Variants in TBX15 observed in about 807,000 individuals in gnomAD.
TBX15 encodes T-box transcription factor 15.
TBX15 carries 18 observed loss-of-function variants against 53.9 expected under a neutral mutation model. That is an observed-to-expected ratio of 0.33 (90% confidence interval 0.23 to 0.49). The LOEUF (loss-of-function observed/expected upper bound fraction) is 0.49. TBX15 is among the 20% of genes least tolerant of loss of function. The probability of loss-of-function intolerance (pLI) is 0.98; values close to 1 mark genes in which losing one functional copy is unlikely to be tolerated. For synonymous variants in TBX15, 295 were observed against 278.0 expected (o/e 1.06, Z -0.61); for missense variants, 692 against 749.5 (o/e 0.92, Z 0.90).
At chr1:118,905,461 T>G (rs1212611089) in intron 6 of TBX15, among the ~76,000 whole-genome samples, 1 of 151,938 alleles carries the variant, frequency 6.6e-6, no homozygotes, top group African/African-American at 2.4e-5. Flanking sequence ...GCAGAAAAAA[T>G]GTTAAGTACT....
At chr1:118,986,753 G>C (rs975544766) in intron 1 of TBX15, among the ~76,000 whole-genome samples, 1 of 152,198 alleles carries the variant, frequency 6.6e-6, no homozygotes, top group Admixed American at 6.5e-5. Context: ...ACCAAGTTGC[G>C]AGCGTTGTAT....
chr1:118,895,003 T>A (rs561016266), intron 7 of TBX15, among the ~76,000 whole-genome samples: 1 of 152,232 alleles, frequency 6.6e-6, no homozygotes, highest in African/African-American at 2.4e-5. Context: ...TCTGTATAAA[T>A]CAGCTATGTT....
chr1:118,967,837 T>A (rs1657102226), intron 1 of TBX15, among the ~76,000 whole-genome samples: 1 of 152,228 alleles, frequency 6.6e-6, no homozygotes. Flanking sequence ...GGAGTTTCAT[T>A]TTCCATGACC....
intron 2 of TBX15, among the ~76,000 whole-genome samples, chr1:118,927,870 A>T (rs533053391): frequency 4.6e-5 from 7 of 152,244 alleles, no homozygotes; most frequent in African/African-American, 1.7e-4. Flanking sequence ...TCAGTTCAAA[A>T]ATTTGGATTG....
intron 6 of TBX15, among the ~76,000 whole-genome samples, chr1:118,904,024 A>G (rs1654726268): frequency 6.6e-6 from 1 of 152,202 alleles, no homozygotes; most frequent in Non-Finnish European, 1.5e-5. Flanking sequence ...TTTTTCTAGT[A>G]GACTTAACAG....
At chr1:118,978,964 G>C (rs1260758072) in intron 1 of TBX15, among the ~76,000 whole-genome samples, 2 of 152,118 alleles carry the variant, frequency 1.3e-5, no homozygotes, top group Non-Finnish European at 2.9e-5. Flanking sequence ...GTGAAAATCA[G>C]TTATTTATTT....
chr1:118,956,138 A>AC (rs767738821), intron 1 of TBX15, among the ~76,000 whole-genome samples: 21 of 152,046 alleles, frequency 1.4e-4, no homozygotes, highest in Admixed American at 3.3e-4. Flanking sequence ...ATCTTCCACC[A>AC]CCTTGATCTT....
intron 1 of TBX15, among the ~76,000 whole-genome samples, chr1:118,960,239 TA>T (rs1212061522): frequency 1.3e-5 from 2 of 152,144 alleles, no homozygotes; most frequent in Admixed American, 6.5e-5. Context: ...ACTTTCCAAC[TA>T]AGTACATCCG....
intron 1 of TBX15, among the ~76,000 whole-genome samples, chr1:118,967,622 T>C (rs762735878): frequency 4.6e-5 from 7 of 152,198 alleles, no homozygotes; most frequent in Non-Finnish European, 8.8e-5. Context: ...TTTAAAGCCA[T>C]GTAGACACAA....
chr1:118,885,381 C>T lies in TBX15; in HGVS notation c.1160G>A (p.Arg387Gln), dbSNP rs1339052659. 2 of 1,613,798 alleles carry T rather than the reference C, an allele frequency of 1.2e-6. No homozygotes were observed. Among genetic ancestry groups the T allele is most frequent in the African/African-American group, 1.3e-5 (1 of 74,898 alleles). ...LAPNTFNVGC[R>Q]ESQLCNLNLS... ...GTTTAGATTACACAGCTGGCTTTCT[C>T]GGCAGCCCACATTGAAAGTGTTGGG... The change falls in exon 8 of 8, where the codon CGA (arginine) becomes CAA (glutamine). Residue 387 changes from arginine to glutamine, a missense_variant. Physicochemically the swap from Arg to Gln is conservative, Grantham distance 43. Around this residue, in one of 3 missense-constraint regions of TBX15, gnomAD observed 375 missense variants for 371.6 expected, o/e 1.01. Transcript: ENST00000369429.
Position 118,987,911 on chromosome 1 carries a change from G to A in TBX15, c.-116C>T, listed in dbSNP as rs1194750461. On this transcript the variant is annotated 5_prime_UTR_variant, in exon 1 of 8. Coordinates refer to ENST00000369429, the MANE Select transcript of TBX15 (RefSeq NM_001330677.2). Reference sequence around the variant, plus strand: ...CGGGAGAGGCGGAGGCGCGTCGGACGAGGCTGAGACTGCGGCTCGCGGGTC... The same window carrying A: ...CGGGAGAGGCGGAGGCGCGTCGGACAAGGCTGAGACTGCGGCTCGCGGGTC... The A allele has an allele frequency of 3.0e-6, 4 of 1,329,214 alleles. No individual in the cohort carries two copies. Among genetic ancestry groups the A allele is most frequent in the Non-Finnish European group, 3.1e-6 (3 of 976,554 alleles). The allele number at this position is 1,329,214 out of a possible 1,614,324, so 82.3% of individuals were successfully genotyped here.
chr1:118,885,635 G>T, intron 7 of TBX15, 119 bp from the exon 8 acceptor site: 1 of 1,280,930 alleles, frequency 7.8e-7, no homozygotes, highest in Non-Finnish European at 1.1e-6. Context: ...GATTTTTACA[G>T]AACCATTTTT....
Position 118,949,163 on chromosome 1 carries a change from G to A in TBX15, c.206-17331C>T, listed in dbSNP as rs576129236. 2.6e-4 allele frequency among the ~76,000 whole-genome samples: 40 copies of A among 152,274 alleles called. 2 individuals carry two copies. In the South Asian group the frequency reaches 6.0e-3, roughly 23 times the overall value. On this transcript the variant is annotated intron_variant, in intron 1 of 7. Transcript: ENST00000369429. ...TGTGTTTCATGGACACAGGAGTCAG[G>A]AATAGCAGCATATGCATTACATATT... is the stretch of plus-strand genomic sequence containing the variant.
At chr1:118,963,400 G>T (rs900478923) in intron 1 of TBX15, among the ~76,000 whole-genome samples, 63 of 152,242 alleles carry the variant, frequency 4.1e-4, no homozygotes, top group African/African-American at 1.5e-3. Flanking sequence ...ACCACCACAG[G>T]CACCTTCCCT....
intron 1 of TBX15, among the ~76,000 whole-genome samples, chr1:118,984,740 G>T (rs892228822): frequency 6.6e-6 from 1 of 152,202 alleles, no homozygotes; most frequent in African/African-American, 2.4e-5. Context: ...AGTCTGGCGG[G>T]CCTTGGGGTT....
chr1:118,963,431 C>G (rs1052280376), intron 1 of TBX15, among the ~76,000 whole-genome samples: 1 of 152,206 alleles, frequency 6.6e-6, no homozygotes, highest in Non-Finnish European at 1.5e-5. Context: ...CAAAATATTT[C>G]TAGTTTCATT....
intron 6 of TBX15, among the ~76,000 whole-genome samples, chr1:118,912,040 G>A (rs1269136250): frequency 2.6e-5 from 4 of 152,170 alleles, no homozygotes; most frequent in Non-Finnish European, 4.4e-5. Flanking sequence ...CAATTTCCAA[G>A]GATAGGGTGG....
At chr1:118,957,030 C>A (rs1272972212) in intron 1 of TBX15, among the ~76,000 whole-genome samples, 2 of 151,978 alleles carry the variant, frequency 1.3e-5, no homozygotes, top group Admixed American at 1.3e-4. Context: ...AAAGAACATT[C>A]AGCCTAACAA....
chr1:118,924,431 C>T (rs2101594279), intron 4 of TBX15, among the ~76,000 whole-genome samples: 1 of 152,270 alleles, frequency 6.6e-6, no homozygotes. Context: ...GTCTGGTAAA[C>T]ACAACTTGAT....
Sources: gnomAD v4.1 joint callset for allele counts (sites outside exome capture counted in the v4.1 genomes callset) on GRCh38, gnomAD v4.1.1 for gene constraint, gnomAD v4.1.1 regional missense constraint, MANE v1.5 for transcripts, NCBI Gene and HGNC (gene_info 2026-07-23, HGNC 2026-07-21) for gene names.